RPS19BP1: variants seen among roughly 807,000 people sequenced by gnomAD.
The protein encoded by RPS19BP1 is active regulator of SIRT1.
In RPS19BP1, 14 loss-of-function variants were observed where a neutral mutation model predicts 16.6. The ratio of observed to expected loss-of-function variants is 0.84; its 90% confidence interval spans 0.56 to 1.32. The LOEUF is 1.32. RPS19BP1 is among the 40% of genes most tolerant of loss of function. RPS19BP1 has a pLI of 0.00. For missense variants in RPS19BP1, 188 were observed against 178.6 expected (o/e 1.05, Z -0.30); for synonymous variants, 90 against 77.3 (o/e 1.16, Z -0.86).
In RPS19BP1 at chr22:39,529,440, G is replaced by T. The variant is rs1232502045; in HGVS notation, c.*52C>A. 2.5e-6 allele frequency: 4 copies of T among 1,606,084 alleles called. No homozygotes were observed. The East Asian group carries it at 8.9e-5, about 36-fold the overall frequency. Reference sequence around the variant, plus strand: ...CACGGCCGGTTCCTGGAGCCAGCAGGAGTCGGAGGCTGCAGGGCTTGAAGG... The same window carrying T: ...CACGGCCGGTTCCTGGAGCCAGCAGTAGTCGGAGGCTGCAGGGCTTGAAGG... On this transcript the variant is annotated 3_prime_UTR_variant, in exon 4 of 4. Transcript: ENST00000334678.
At chr22:39,532,602 G>C in intron 1 of RPS19BP1, 79 bp from the exon 2 acceptor site, 1 of 1,607,924 alleles carries the variant, frequency 6.2e-7, no homozygotes, top group Non-Finnish European at 8.5e-7. Context: ...AGCCCGGCCT[G>C]GATTGTTTTC....
rs373563913 is a variant in RPS19BP1 at position 39,532,688 on chromosome 22, C to T, written c.51G>A (p.Glu17=). ...RRGLELLAAS[E]APRDPPGQAK... Reference sequence around the variant, plus strand: ...CGTCCCCTGGCCAGCCCTCCTCACCCTCGGACGCCGCCAGCAGCTCCAGGC... The same window carrying T: ...CGTCCCCTGGCCAGCCCTCCTCACCTTCGGACGCCGCCAGCAGCTCCAGGC... Residue 17 remains glutamate (E), a splice_region_variant and synonymous_variant, in exon 1 of 4, where the codon GAG becomes GAA. Coordinates refer to ENST00000334678, the MANE Select transcript of RPS19BP1 (RefSeq NM_194326.4). 1 of 1,545,416 alleles carries T rather than the reference C, an allele frequency of 6.5e-7. No individual in the cohort carries two copies. Among genetic ancestry groups the T allele is most frequent in the African/African-American group, 1.4e-5 (1 of 73,260 alleles).
Position 39,532,697 on chromosome 22 carries a change from C to T in RPS19BP1, c.42G>A (p.Ala14=), listed in dbSNP as rs777317882. The T allele has an allele frequency of 6.5e-7, 1 of 1,543,556 alleles. No individual in the cohort carries two copies. The highest frequency in any genetic ancestry group is 1.4e-5 in the African/African-American group (1 of 73,208). Reference sequence around the variant, plus strand: ...GCCAGCCCTCCTCACCCTCGGACGCCGCCAGCAGCTCCAGGCCCCGCCGCA... The same window carrying T: ...GCCAGCCCTCCTCACCCTCGGACGCTGCCAGCAGCTCCAGGCCCCGCCGCA... ...ALLRRGLELL[A]ASEAPRDPPG... is the part of the protein sequence containing the mutation. The change falls in exon 1 of 4, where the codon GCG becomes GCA. Residue 14 remains alanine (A), a synonymous_variant. Coordinates refer to ENST00000334678, the MANE Select transcript of RPS19BP1 (RefSeq NM_194326.4).
At chr22:39,531,471 C>T (rs534394655) in intron 2 of RPS19BP1, 2 of 152,370 alleles carry the variant, frequency 1.3e-5, no homozygotes, top group African/African-American at 4.8e-5. Context: ...CTTGCCTACA[C>T]CAGCCCCTCC....
intron 2 of RPS19BP1, chr22:39,531,455 C>T (rs891048850): frequency 2.0e-5 from 3 of 152,198 alleles, no homozygotes; most frequent in African/African-American, 7.2e-5. Flanking sequence ...GTCAAAATAT[C>T]ACCATCTTGC....
At position 39,529,896 on chromosome 22, in the gene RPS19BP1, C is replaced by A. The variant is rs148056542; in HGVS notation, c.203G>T (p.Cys68Phe). 6.2e-7 allele frequency: 1 copy of A among 1,614,198 alleles called. No individual in the cohort carries two copies. The highest frequency in any genetic ancestry group is 1.3e-5 in the African/African-American group (1 of 75,060). Reference protein sequence around the residue: ...SALDEYRKRECRDHLRVNLKF... With the variant: ...SALDEYRKREFRDHLRVNLKF... The stretch of plus-strand genomic sequence containing the variant: ...CAGGTTTACTCTGAGGTGGTCTCGA[C>A]ACTCTCGCTTCCGGTACTCGTCTGT... The change falls in exon 3 of 4, where the codon TGT becomes TTT. Residue 68 changes from cysteine to phenylalanine, a missense_variant. Physicochemically the swap from Cys to Phe is radical, Grantham distance 205 (BLOSUM62 -2). Transcript: ENST00000334678.
intron 2 of RPS19BP1, chr22:39,530,196 C>A: frequency 9.2e-6 from 4 of 432,676 alleles, no homozygotes; most frequent in South Asian, 3.3e-5. Flanking sequence ...GGACAAAGGA[C>A]CCAGTATTTT....
At chr22:39,531,337 T>C (rs1004334362) in intron 2 of RPS19BP1, 3 of 151,902 alleles carry the variant, frequency 2.0e-5, no homozygotes, top group Admixed American at 6.5e-5. Context: ...GCTTAAGTTG[T>C]ATTTCCTCCT....
intron 1 of RPS19BP1, 38 bp from the exon 2 acceptor site, chr22:39,532,561 G>A (rs777471464): frequency 1.2e-6 from 2 of 1,612,188 alleles, no homozygotes; most frequent in East Asian, 2.2e-5. Flanking sequence ...CAGGTCAGAG[G>A]GCGCGCAGCG....
At chr22:39,531,482 G>T (rs950496013) in intron 2 of RPS19BP1, 5 of 152,216 alleles carry the variant, frequency 3.3e-5, no homozygotes, top group Middle Eastern at 3.4e-3. Flanking sequence ...CAGCCCCTCC[G>T]AAAGTCTTTA....
chr22:39,530,888 C>T (rs1306298885), intron 2 of RPS19BP1: 1 of 152,034 alleles, frequency 6.6e-6, no homozygotes, highest in Non-Finnish European at 1.5e-5. Context: ...GAGAGCCACC[C>T]AGAGGAAAAA....
chr22:39,532,299 C>G, intron 2 of RPS19BP1, 96 bp downstream of exon 2: 1 of 1,567,460 alleles, frequency 6.4e-7, no homozygotes, highest in Non-Finnish European at 8.7e-7. Context: ...CTAGCAATAC[C>G]GGGCGAACGC....
intron 2 of RPS19BP1, chr22:39,530,725 CA>C (rs113260203): frequency 0.1 from 9,106 of 90,406 alleles, 885 homozygotes; most frequent in African/African-American, 0.3. Flanking sequence ...GACTCCATCT[CA>C]AAAAAAAAAA....
At chr22:39,532,601 T>G in intron 1 of RPS19BP1, 78 bp from the exon 2 acceptor site, 1 of 1,608,110 alleles carries the variant, frequency 6.2e-7, no homozygotes, top group Non-Finnish European at 8.5e-7. Flanking sequence ...AAGCCCGGCC[T>G]GGATTGTTTT....
chr22:39,529,365 G>C lies in RPS19BP1; in HGVS notation c.*127C>G. On this transcript the variant is annotated 3_prime_UTR_variant, in exon 4 of 4. Coordinates refer to ENST00000334678, the MANE Select transcript of RPS19BP1 (RefSeq NM_194326.4). ...CAGCCTCCACTCGGCTCAGCTCCGCGGCTTCCTCGAGCCAGGCTGGTCCTG... is the reference window on the plus strand; with the variant it reads ...CAGCCTCCACTCGGCTCAGCTCCGCCGCTTCCTCGAGCCAGGCTGGTCCTG... The C allele has an allele frequency of 7.6e-7, 1 of 1,310,990 alleles. No homozygotes were observed. Among genetic ancestry groups the C allele is most frequent in the Non-Finnish European group, 1.0e-6 (1 of 955,416 alleles). The allele number at this position is 1,310,990 out of a possible 1,614,324, so 81.2% of individuals were successfully genotyped here.
chr22:39,531,027 G>C (rs1466469905), intron 2 of RPS19BP1: 1 of 152,270 alleles, frequency 6.6e-6, no homozygotes, highest in East Asian at 1.9e-4. Context: ...AGACGATGCA[G>C]CTTGGAGCAA....
In RPS19BP1 at chr22:39,529,631, G is replaced by A; in HGVS notation, c.280-8C>T. 6.2e-7 allele frequency: 1 copy of A among 1,613,702 alleles called. No individual in the cohort carries two copies. Among genetic ancestry groups the A allele is most frequent in the Non-Finnish European group, 8.5e-7 (1 of 1,179,996 alleles). On this transcript the variant is annotated splice_region_variant and splice_polypyrimidine_tract_variant and intron_variant, in intron 3 of 3. Transcript: ENST00000334678. ...CCGGTTCTGGCGCAAAATCTGGCGA[G>A]GGTGCGGGACCGAGGGCCCATCATT...
chr22:39,530,004 C>G (rs963697479), intron 2 of RPS19BP1, 87 bp from the exon 3 acceptor site: 1 of 1,058,810 alleles, frequency 9.4e-7, no homozygotes, highest in African/African-American at 1.6e-5. Context: ...TGCCAAAGAC[C>G]TCATCGTTCC....
In RPS19BP1 at chr22:39,532,691, G is replaced by A. The variant is rs1002523965; in HGVS notation, c.48C>T (p.Ser16=). 5.2e-6 allele frequency: 8 copies of A among 1,544,402 alleles called. No homozygotes were observed. In the African/African-American group the frequency reaches 9.6e-5, roughly 18 times the overall value. The change falls in exon 1 of 4, where the codon TCC becomes TCT. Residue 16 remains serine, a synonymous_variant. Coordinates refer to ENST00000334678, the MANE Select transcript of RPS19BP1 (RefSeq NM_194326.4). ...LRRGLELLAA[S]EAPRDPPGQA... ...CCCCTGGCCAGCCCTCCTCACCCTCGGACGCCGCCAGCAGCTCCAGGCCCC... is the reference window on the plus strand; with the variant it reads ...CCCCTGGCCAGCCCTCCTCACCCTCAGACGCCGCCAGCAGCTCCAGGCCCC...
Sources: allele counts gnomAD v4.1 joint callset, GRCh38; gene constraint gnomAD v4.1.1; transcripts MANE v1.5; gene names NCBI Gene and HGNC (gene_info 2026-07-23, HGNC 2026-07-21).